Variants in SFXN5 observed in about 807,000 individuals in gnomAD.
The protein encoded by SFXN5 is sideroflexin 5, also known as sideroflexin-5.
A neutral mutation model predicts 50.2 loss-of-function variants in SFXN5; 43 were observed. That is an observed-to-expected ratio of 0.86 (90% CI 0.67 to 1.11). The LOEUF (loss-of-function observed/expected upper bound fraction) is 1.11, where lower values mean the gene tolerates loss of function less well. SFXN5 is among the 50% of genes least tolerant of loss of function. The pLI is 0.00. For missense variants in SFXN5, 463 were observed against 454.1 expected (o/e 1.02, Z -0.18); for synonymous variants, 203 against 185.8 (o/e 1.09, Z -0.75).
chr2:73,050,388 G>GCGCACACACACACACACACA, intron 2 of SFXN5, among the ~76,000 whole-genome samples: 2,303 of 143,858 alleles, frequency 0.016, 36 homozygotes, highest in Middle Eastern at 0.021. Context: ...CAGCCACAGC[G>GCGCACACACACACACACACA]CACGCACACA....
At chr2:73,071,408 C>A in intron 1 of SFXN5, 196 bp downstream of exon 1, 2 of 580,604 alleles carry the variant, frequency 3.4e-6, no homozygotes, top group Non-Finnish European at 3.0e-6. Flanking sequence ...CAATAGGAAG[C>A]CAAGATGGGA....
chr2:72,978,317 C>G (rs1424134387), intron 10 of SFXN5, among the ~76,000 whole-genome samples: 6 of 148,760 alleles, frequency 4.0e-5, no homozygotes, highest in African/African-American at 1.5e-4. Flanking sequence ...GAGTCTCACT[C>G]TGACACCCAG....
intron 11 of SFXN5, among the ~76,000 whole-genome samples, chr2:72,971,042 G>A (rs1488441267): frequency 6.6e-6 from 1 of 152,154 alleles, no homozygotes; most frequent in Non-Finnish European, 1.5e-5. Context: ...TATGAAACCA[G>A]TGGCGAAAGA....
chr2:72,946,647 TG>T (rs1022490736), intron 13 of SFXN5, among the ~76,000 whole-genome samples: 12 of 152,042 alleles, frequency 7.9e-5, no homozygotes, highest in Non-Finnish European at 1.8e-4. Context: ...CCCTCTCCCC[TG>T]GCCCCACTCA....
At chr2:72,983,926 T>G (rs1395662978) in intron 10 of SFXN5, among the ~76,000 whole-genome samples, 4 of 152,122 alleles carry the variant, frequency 2.6e-5, no homozygotes, top group African/African-American at 9.7e-5. Flanking sequence ...TTCCAATGCC[T>G]CCTCTACTGA....
At chr2:73,071,405 A>T (rs1012697677) in intron 1 of SFXN5, 199 bp downstream of exon 1, 1 of 575,916 alleles carries the variant, frequency 1.7e-6, no homozygotes, top group Admixed American at 3.2e-5. Flanking sequence ...GGCCAATAGG[A>T]AGCCAAGATG....
chr2:73,031,451 G>A (rs1226990622), intron 3 of SFXN5, among the ~76,000 whole-genome samples: 1 of 151,524 alleles, frequency 6.6e-6, no homozygotes. Context: ...AACTTGAGCT[G>A]TTATACAGGA....
intron 10 of SFXN5, among the ~76,000 whole-genome samples, chr2:72,984,121 A>G (rs971347834): frequency 3.9e-5 from 6 of 152,210 alleles, no homozygotes; most frequent in Admixed American, 6.5e-5. Flanking sequence ...CCAGTCCCCA[A>G]TCGATTCCGA....
chr2:73,027,114 G>C (rs1022426030), intron 3 of SFXN5, among the ~76,000 whole-genome samples: 1 of 152,104 alleles, frequency 6.6e-6, no homozygotes, highest in Non-Finnish European at 1.5e-5. Flanking sequence ...GGCCCTTCAG[G>C]GGGTATTCCA....
rs573581457 is a variant in SFXN5, at chr2:72,960,793, C to T, written c.945+338G>A. ...TGTCCGCGGACCTCACATCTCCCCC[C>T]GCCACCCCTTTTCATCTGGCCAACT... On this transcript the variant is annotated intron_variant, in intron 13 of 13. Transcript: ENST00000272433. This position sits in a 1 kb window ranked among gnomAD's most constrained non-coding sequence, Gnocchi z 6.1. Among the ~76,000 whole-genome samples, 8 of 152,322 alleles carry T rather than the reference C, an allele frequency of 5.3e-5. No individual in the cohort carries two copies. The highest frequency in any genetic ancestry group is 2.1e-4 in the South Asian group (1 of 4,826).
intron 3 of SFXN5, among the ~76,000 whole-genome samples, chr2:73,023,937 TA>T (rs1276092604): frequency 1.3e-5 from 2 of 152,180 alleles, no homozygotes; most frequent in Non-Finnish European, 2.9e-5. Flanking sequence ...TCAAATGACC[TA>T]AATACTGTAT....
chr2:72,977,678 T>C (rs1670786851), intron 10 of SFXN5, among the ~76,000 whole-genome samples: 1 of 152,160 alleles, frequency 6.6e-6, no homozygotes, highest in African/African-American at 2.4e-5. Context: ...CATTTTGTGT[T>C]GTTAAGAAAC....
intron 7 of SFXN5, 115 bp downstream of exon 7, chr2:73,001,410 T>C: frequency 9.4e-7 from 1 of 1,061,532 alleles, no homozygotes. Context: ...GGTGTTGGGG[T>C]GGACTGACCC....
chr2:72,958,985 G>T (rs1262879312), intron 13 of SFXN5, among the ~76,000 whole-genome samples: 1 of 152,102 alleles, frequency 6.6e-6, no homozygotes, highest in African/African-American at 2.4e-5. Context: ...GGCCTAAGGC[G>T]GGTCACCCCC....
intron 6 of SFXN5, among the ~76,000 whole-genome samples, chr2:73,003,387 A>G (rs1298031262): frequency 4.6e-5 from 7 of 152,184 alleles, no homozygotes; most frequent in African/African-American, 1.2e-4. Flanking sequence ...ATACAGCCCA[A>G]TAGCACTCAC....
intron 6 of SFXN5, among the ~76,000 whole-genome samples, chr2:73,012,079 G>A (rs534043159): frequency 6.6e-6 from 1 of 152,276 alleles, no homozygotes; most frequent in Non-Finnish European, 1.5e-5. Context: ...AGTGTCATAA[G>A]CTAACCATAG....
In SFXN5 at chr2:73,007,261, C is replaced by T. The variant is rs762186333; in HGVS notation, c.358-5683G>A. On this transcript the variant is annotated intron_variant, in intron 6 of 13. Coordinates refer to ENST00000272433, the MANE Select transcript of SFXN5 (RefSeq NM_144579.3). The stretch of plus-strand genomic sequence containing the variant: ...TACAGGAGAAAGGTTTTTTTAAAAG[C>T]GTGGGAAACCTGGAGAGGAAATGGG... Among the ~76,000 whole-genome samples the T allele has an allele frequency of 3.3e-5, 5 of 152,156 alleles. No individual in the cohort carries two copies. In the South Asian group the frequency reaches 8.3e-4, roughly 25 times the overall value.
At chr2:72,965,180 G>A (rs1008674730) in intron 12 of SFXN5, among the ~76,000 whole-genome samples, 4 of 152,168 alleles carry the variant, frequency 2.6e-5, no homozygotes, top group Admixed American at 1.3e-4. Context: ...GCAAGAGGAC[G>A]TTGAGGGGAG....
chr2:72,992,768 C>T lies in SFXN5; in HGVS notation c.535-4420G>A, dbSNP rs1672753931. Among the ~76,000 whole-genome samples the T allele has an allele frequency of 6.6e-6, 1 of 152,242 alleles. No homozygotes were observed. Among genetic ancestry groups the T allele is most frequent in the Non-Finnish European group, 1.5e-5 (1 of 68,040 alleles). On this transcript the variant is annotated intron_variant, in intron 9 of 13. Coordinates refer to ENST00000272433, the MANE Select transcript of SFXN5 (RefSeq NM_144579.3). The surrounding 1 kb of genome is among the most constrained non-coding windows in gnomAD (Gnocchi z 4.5). ...AGGCCCCCTGTTTCCACTCTTGCCCCCATCCATCTGCTCTCTACAGCAGTC... is the reference window on the plus strand; with the variant it reads ...AGGCCCCCTGTTTCCACTCTTGCCCTCATCCATCTGCTCTCTACAGCAGTC...
Sources: gnomAD v4.1 joint callset for allele counts (sites outside exome capture counted in the v4.1 genomes callset) on GRCh38, gnomAD v4.1.1 for gene constraint, Gnocchi (gnomAD v3.1) non-coding constraint, MANE v1.5 for transcripts, NCBI Gene and HGNC (gene_info 2026-07-23, HGNC 2026-07-21) for gene names.